Variants in GGPS1 observed in about 807,000 individuals in gnomAD.
GGPS1 encodes the protein geranylgeranyl diphosphate synthase 1.
A neutral mutation model predicts 28.1 loss-of-function variants in GGPS1; 15 were observed. The observed-to-expected ratio is 0.53, with a 90% CI of 0.36 to 0.82. GGPS1 has a LOEUF of 0.82. Among genes scored for constraint, GGPS1 ranks in the 40% least tolerant of loss-of-function variants. GGPS1 has a pLI of 0.01. For synonymous variants in GGPS1, 138 were observed against 122.4 expected (o/e 1.13, Z -0.84); for missense variants, 284 against 348.3 (o/e 0.82, Z 1.47).
In GGPS1 at chr1:235,342,136, C is replaced by G. The variant is rs559161715; in HGVS notation, c.267C>G (p.Ile89Met). The G allele has an allele frequency of 3.7e-6, 6 of 1,614,098 alleles. No individual in the cohort carries two copies. Among genetic ancestry groups the G allele is most frequent in the Non-Finnish European group, 4.2e-6 (5 of 1,179,954 alleles). ...GCATCTATGGAATCCCATCTGTCATCAATTCTGCCAATTACGTGTATTTCC... is the reference window on the plus strand; with the variant it reads ...GCATCTATGGAATCCCATCTGTCATGAATTCTGCCAATTACGTGTATTTCC... The part of the protein sequence containing the change: ...AHSIYGIPSV[I>M]NSANYVYFLG... The change falls in exon 4 of 4, where the codon ATC (isoleucine) becomes ATG (methionine). Residue 89 changes from isoleucine to methionine, a missense_variant. Ile to Met is a conservative substitution (Grantham distance 10). Coordinates refer to ENST00000282841, the MANE Select transcript of GGPS1 (RefSeq NM_004837.4).
intron 2 of GGPS1, among the ~76,000 whole-genome samples, chr1:235,339,262 G>C (rs564935057): frequency 6.6e-6 from 1 of 151,072 alleles, no homozygotes; most frequent in South Asian, 2.1e-4. Context: ...TCGTGACACT[G>C]TACCCCAGCC....
At chr1:235,333,924 G>A (rs1418094230) in intron 1 of GGPS1, among the ~76,000 whole-genome samples, 1 of 152,168 alleles carries the variant, frequency 6.6e-6, no homozygotes, top group African/African-American at 2.4e-5. Flanking sequence ...ATGTGCCAAA[G>A]ATGCTAGAGC....
intron 1 of GGPS1, among the ~76,000 whole-genome samples, chr1:235,332,671 A>G (rs1675753152): frequency 6.6e-6 from 1 of 152,184 alleles, no homozygotes; most frequent in South Asian, 2.1e-4. Flanking sequence ...TGGTGGATTA[A>G]TTTATAATAT....
Position 235,342,662 on chromosome 1 carries a change from A to G in GGPS1, c.793A>G (p.Lys265Glu), listed in dbSNP as rs775784175. The G allele has an allele frequency of 6.2e-6, 10 of 1,610,940 alleles. No homozygotes were observed. The highest frequency in any genetic ancestry group is 2.7e-5 in the African/African-American group (2 of 74,868). ...GSFEYTRNTLKELEAKAYKQI... is the reference protein window; with the variant it reads ...GSFEYTRNTLEELEAKAYKQI... ...TTTTGAATACACTCGTAATACCCTT[A>G]AAGAGCTTGAAGCTAAAGCCTATAA... is the stretch of plus-strand genomic sequence containing the variant. Residue 265 changes from lysine (K) to glutamate (E), a missense_variant, in exon 4 of 4, where the codon AAA (lysine) becomes GAA (glutamate). Coordinates refer to ENST00000282841, the MANE Select transcript of GGPS1 (RefSeq NM_004837.4).
intron 1 of GGPS1, among the ~76,000 whole-genome samples, chr1:235,333,559 C>T (rs1192570898): frequency 1.4e-5 from 2 of 146,074 alleles, no homozygotes; most frequent in East Asian, 1.9e-4. Context: ...ACGAGCAAAA[C>T]TCCGTCTCAA....
chr1:235,328,898 G>A (rs1411311199), intron 1 of GGPS1, 120 bp downstream of exon 1: 1 of 152,400 alleles, frequency 6.6e-6, no homozygotes, highest in African/African-American at 2.4e-5. Context: ...GAACCGGATT[G>A]TGTATGAATT....
chr1:235,340,593 G>A (rs1318128677), intron 2 of GGPS1, among the ~76,000 whole-genome samples: 2 of 151,104 alleles, frequency 1.3e-5, no homozygotes, highest in Admixed American at 1.3e-4. Context: ...AAAATGAGCC[G>A]GGCGTGGTAG....
At chr1:235,339,154 C>T (rs1675953784) in intron 2 of GGPS1, among the ~76,000 whole-genome samples, 2 of 152,016 alleles carry the variant, frequency 1.3e-5, no homozygotes, top group Admixed American at 6.6e-5. Flanking sequence ...AAAAAATTAG[C>T]TGGATTTAGT....
intron 2 of GGPS1, among the ~76,000 whole-genome samples, chr1:235,339,838 G>A (rs543979109): frequency 6.6e-5 from 10 of 151,914 alleles, no homozygotes; most frequent in Non-Finnish European, 1.3e-4. Flanking sequence ...TCTAAAATTA[G>A]GATGTTATTA....
chr1:235,331,506 G>A (rs1225421516), intron 1 of GGPS1, among the ~76,000 whole-genome samples: 1 of 152,104 alleles, frequency 6.6e-6, no homozygotes, highest in Non-Finnish European at 1.5e-5. Context: ...TTCCATAGCT[G>A]GGAATCTTAA....
At chr1:235,329,313 TCTTCATGGGTGTTGAGCGCCGACCACTG>T (rs1675603493) in intron 1 of GGPS1, 1 of 152,222 alleles carries the variant, frequency 6.6e-6, no homozygotes, top group Non-Finnish European at 1.5e-5. Flanking sequence ...CGCTTTCATT[TCTTCATGGGTGTTGAGCGCCGACCACTG>T]GGGTGGCCTC....
At chr1:235,338,062 G>T (rs569049804) in intron 2 of GGPS1, among the ~76,000 whole-genome samples, 2 of 152,158 alleles carry the variant, frequency 1.3e-5, no homozygotes, top group African/African-American at 4.8e-5. Flanking sequence ...AGAGATCTCT[G>T]TGATTAGCCT....
intron 1 of GGPS1, among the ~76,000 whole-genome samples, chr1:235,331,354 C>T (rs909321251): frequency 6.6e-6 from 1 of 152,146 alleles, no homozygotes; most frequent in African/African-American, 2.4e-5. Flanking sequence ...TGAAGAGTAA[C>T]CTGAACTATA....
chr1:235,327,273 AGG>A, upstream of GGPS1: 1 of 188,834 alleles, frequency 5.3e-6, no homozygotes, highest in Middle Eastern at 2.3e-3. Context: ...CGTCCGGCGC[AGG>A]GCCGGCCGCT....
At chr1:235,338,839 C>G (rs949031830) in intron 2 of GGPS1, among the ~76,000 whole-genome samples, 1 of 152,134 alleles carries the variant, frequency 6.6e-6, no homozygotes. Context: ...GCACTCCAGC[C>G]TGGGTGACAG....
chr1:235,333,706 G>A (rs1675786553), intron 1 of GGPS1, among the ~76,000 whole-genome samples: 1 of 152,128 alleles, frequency 6.6e-6, no homozygotes, highest in Non-Finnish European at 1.5e-5. Context: ...GGCATACTGA[G>A]ATAACTTTCT....
At position 235,344,260 on chromosome 1, in the gene GGPS1, T is replaced by C. The variant is rs1241376397; in HGVS notation, c.*1488T>C. On this transcript the variant is annotated 3_prime_UTR_variant, in exon 4 of 4. Transcript: ENST00000282841. Reference sequence around the variant, plus strand: ...TGTTTTGCTTGGTTCTATAGTATGTTACTTAGGATCTATTTACCATATATT... The same window carrying C: ...TGTTTTGCTTGGTTCTATAGTATGTCACTTAGGATCTATTTACCATATATT... The C allele has an allele frequency of 1.2e-5, 2 of 167,024 alleles. No homozygotes were observed. Among genetic ancestry groups the C allele is most frequent in the East Asian group, 3.8e-4 (2 of 5,204 alleles). The allele number at this position is 167,024 out of a possible 1,614,324, so 10.3% of individuals were successfully genotyped here.
In GGPS1 at chr1:235,335,297, T is replaced by C; in HGVS notation, c.33T>C (p.Ile11=). The change falls in exon 2 of 4, where the codon ATT becomes ATC. Residue 11 remains isoleucine, a synonymous_variant. Coordinates refer to ENST00000282841, the MANE Select transcript of GGPS1 (RefSeq NM_004837.4). MEKTQETVQR[I]LLEPYKYLLQ... ...AGACTCAAGAAACAGTCCAAAGAAT[T>C]CTTCTAGAACCCTATAAATACTTAC... is the stretch of plus-strand genomic sequence containing the variant. The C allele has an allele frequency of 1.3e-6, 2 of 1,557,884 alleles. No individual in the cohort carries two copies. Among genetic ancestry groups the C allele is most frequent in the Non-Finnish European group, 1.8e-6 (2 of 1,130,286 alleles).
At chr1:235,330,176 C>T (rs1419856089) in intron 1 of GGPS1, 2 of 152,128 alleles carry the variant, frequency 1.3e-5, no homozygotes, top group Non-Finnish European at 2.9e-5. Context: ...GTGTAGAATC[C>T]TTTAGACTCT....
Sources: allele counts gnomAD v4.1 joint callset (sites outside exome capture counted in the v4.1 genomes callset), GRCh38; gene constraint gnomAD v4.1.1; transcripts MANE v1.5; gene names NCBI Gene and HGNC (gene_info 2026-07-23, HGNC 2026-07-21).